L3MBTL4: variants seen among roughly 807,000 people sequenced by gnomAD.
The protein encoded by L3MBTL4 is lethal(3)malignant brain tumor-like protein 4.
A neutral mutation model predicts 84.5 loss-of-function variants in L3MBTL4; 70 were observed. That is an observed-to-expected ratio of 0.83 (90% CI 0.68 to 1.01). The LOEUF (loss-of-function observed/expected upper bound fraction) is 1.01. L3MBTL4 is among the 50% of genes least tolerant of loss of function. L3MBTL4 has a pLI of 0.00. For synonymous variants in L3MBTL4, 274 were observed against 259.8 expected, an observed-to-expected ratio of 1.05 and a Z score of -0.52; for missense variants, 715 against 754.8, an observed-to-expected ratio of 0.95 and a Z score of 0.62.
At chr18:6,111,921 T>A (rs990143558) in intron 14 of L3MBTL4, among the ~76,000 whole-genome samples, 32 of 152,178 alleles carry the variant, frequency 2.1e-4, no homozygotes, top group Non-Finnish European at 1.3e-4. Flanking sequence ...CGACATGTTG[T>A]GCAATATATC....
intron 1 of L3MBTL4, among the ~76,000 whole-genome samples, chr18:6,393,876 T>C (rs1454718089): frequency 1.3e-5 from 2 of 152,164 alleles, no homozygotes; most frequent in African/African-American, 4.8e-5. Flanking sequence ...CCCGTCACTA[T>C]GAATATGGAG....
At chr18:6,115,649 A>G (rs1445987727) in intron 14 of L3MBTL4, among the ~76,000 whole-genome samples, 2 of 152,234 alleles carry the variant, frequency 1.3e-5, no homozygotes, top group Non-Finnish European at 2.9e-5. Context: ...GCACATTTAA[A>G]TGTGTCTGAA....
At position 6,126,386 on chromosome 18, in the gene L3MBTL4, T is replaced by G. The variant is rs868825956; in HGVS notation, c.1199+11808A>C. On this transcript the variant is annotated intron_variant, in intron 14 of 18. Coordinates refer to ENST00000317931, the MANE Select transcript of L3MBTL4 (RefSeq NM_001330559.2). ...TTTGGTTCTCAAGGTGACTTAAAAT[T>G]ACCAGATTTCATCATTTCAGCTTCT... 2.5e-4 allele frequency among the ~76,000 whole-genome samples: 38 copies of G among 152,320 alleles called. 1 individual carries two copies. The highest frequency in any genetic ancestry group is 6.8e-3 in the Middle Eastern group (2 of 292).
At chr18:6,082,003 C>G (rs561228348) in intron 15 of L3MBTL4, among the ~76,000 whole-genome samples, 1 of 152,220 alleles carries the variant, frequency 6.6e-6, no homozygotes, top group East Asian at 1.9e-4. Context: ...ACTTAATCAC[C>G]TGGGGGGCAA....
At chr18:6,227,308 C>A (rs1479675252) in intron 10 of L3MBTL4, among the ~76,000 whole-genome samples, 5 of 152,264 alleles carry the variant, frequency 3.3e-5, no homozygotes, top group Admixed American at 1.3e-4. Context: ...ATTGATGGAA[C>A]ACTCCACCCA....
At chr18:5,969,326 G>A (rs2052514201) in intron 17 of L3MBTL4, 67 bp downstream of exon 17, 11 of 1,555,020 alleles carry the variant, frequency 7.1e-6, no homozygotes, top group Non-Finnish European at 8.8e-6. Flanking sequence ...ATGGTCAGTG[G>A]GCACCTTCCG....
At chr18:6,378,422 G>A (rs2054460851) in intron 1 of L3MBTL4, among the ~76,000 whole-genome samples, 1 of 152,106 alleles carries the variant, frequency 6.6e-6, no homozygotes. Context: ...GTATTGCCTA[G>A]GTTTTTGTCT....
chr18:6,395,583 G>T (rs2055238300), intron 1 of L3MBTL4: 1 of 152,186 alleles, frequency 6.6e-6, no homozygotes, highest in African/African-American at 2.4e-5. Flanking sequence ...AATAGGCACT[G>T]CCATATGATG....
intron 14 of L3MBTL4, among the ~76,000 whole-genome samples, chr18:6,100,535 TATA>T (rs2058789365): frequency 6.6e-6 from 1 of 152,344 alleles, no homozygotes; most frequent in East Asian, 1.9e-4. Flanking sequence ...TGGTTCTTGG[TATA>T]ATGAGTGATT....
At chr18:6,158,600 C>T (rs958697484) in intron 13 of L3MBTL4, among the ~76,000 whole-genome samples, 2 of 152,202 alleles carry the variant, frequency 1.3e-5, no homozygotes, top group Non-Finnish European at 2.9e-5. Context: ...ATTTACCCTT[C>T]CTTCATGCTG....
chr18:6,112,178 C>T (rs767219067), intron 14 of L3MBTL4, among the ~76,000 whole-genome samples: 7 of 152,318 alleles, frequency 4.6e-5, no homozygotes, highest in African/African-American at 9.6e-5. Context: ...CACACACACA[C>T]GCACACACAT....
chr18:6,038,315 G>A (rs2056236127), intron 16 of L3MBTL4, among the ~76,000 whole-genome samples: 1 of 135,918 alleles, frequency 7.4e-6, no homozygotes, highest in Non-Finnish European at 1.5e-5. Flanking sequence ...GTGCAGTGAT[G>A]CAATCTCGGC....
intron 4 of L3MBTL4, among the ~76,000 whole-genome samples, chr18:6,284,050 G>T (rs1229044845): frequency 6.6e-6 from 1 of 152,184 alleles, no homozygotes; most frequent in African/African-American, 2.4e-5. Context: ...GGAAATTTCT[G>T]TGTATTGCAC....
At chr18:5,993,131 C>T (rs796240088) in intron 16 of L3MBTL4, among the ~76,000 whole-genome samples, 16 of 152,282 alleles carry the variant, frequency 1.1e-4, no homozygotes, top group South Asian at 4.1e-4. Flanking sequence ...CTCTTTCCAG[C>T]GCTCACACCA....
chr18:6,155,906 T>C (rs1339300849), intron 13 of L3MBTL4, among the ~76,000 whole-genome samples: 1 of 152,188 alleles, frequency 6.6e-6, no homozygotes, highest in Non-Finnish European at 1.5e-5. Flanking sequence ...TGTTCATTCC[T>C]AGGAGTCATT....
chr18:6,032,786 A>G (rs1568009010), intron 16 of L3MBTL4, among the ~76,000 whole-genome samples: 1 of 152,148 alleles, frequency 6.6e-6, no homozygotes, highest in East Asian at 1.9e-4. Flanking sequence ...AGTACCTCAT[A>G]TGAGTGGAAT....
chr18:6,387,195 G>A (rs2054859255), intron 1 of L3MBTL4, among the ~76,000 whole-genome samples: 1 of 152,176 alleles, frequency 6.6e-6, no homozygotes, highest in Non-Finnish European at 1.5e-5. Context: ...TTGAGGTCTG[G>A]GAACCTCCAG....
At chr18:6,130,839 A>AAATTCTGTGAT (rs1555664353) in intron 14 of L3MBTL4, among the ~76,000 whole-genome samples, 1 of 152,118 alleles carries the variant, frequency 6.6e-6, no homozygotes, top group African/African-American at 2.4e-5. Context: ...AATAAAATGT[A>AAATTCTGTGAT]AATTGTGTGC....
At chr18:6,329,146 CT>C (rs1481438928) in intron 1 of L3MBTL4, among the ~76,000 whole-genome samples, 1 of 97,286 alleles carries the variant, frequency 1.0e-5, no homozygotes, top group African/African-American at 4.9e-5. Flanking sequence ...TTCTTTTTTT[CT>C]TTTCTTTTTT....
Sources: gnomAD v4.1 joint callset for allele counts (sites outside exome capture counted in the v4.1 genomes callset) on GRCh38, gnomAD v4.1.1 for gene constraint, MANE v1.5 for transcripts, NCBI Gene and HGNC (gene_info 2026-07-23, HGNC 2026-07-21) for gene names.